Variants in WDR7 observed in about 807,000 individuals in gnomAD.
The protein encoded by WDR7 is WD repeat domain 7, also known as WD repeat-containing protein 7.
Under a neutral mutation model 169.4 loss-of-function variants are expected in WDR7, and 46 were observed. The ratio of observed to expected loss-of-function variants is 0.27; its 90% confidence interval spans 0.21 to 0.35. WDR7 has a LOEUF of 0.35. Among genes scored for constraint, WDR7 ranks in the 10% least tolerant of loss-of-function variants. WDR7 has a pLI of 1.00. For synonymous variants in WDR7, 612 were observed against 666.8 expected (o/e 0.92, Z 1.27); for missense variants, 1,534 against 1,859.3 (o/e 0.83, Z 3.22).
intron 20 of WDR7, among the ~76,000 whole-genome samples, chr18:56,862,029 G>A (rs1253519681): frequency 6.7e-6 from 1 of 148,584 alleles, no homozygotes; most frequent in Non-Finnish European, 1.5e-5. Context: ...ATATATGTAA[G>A]TATATTCTAT....
intron 14 of WDR7, among the ~76,000 whole-genome samples, chr18:56,747,506 C>T (rs1053609753): frequency 9.2e-5 from 14 of 152,170 alleles, no homozygotes; most frequent in African/African-American, 2.4e-5. Context: ...ATCAGTTACA[C>T]CCACACCCAG....
At chr18:56,967,189 G>C (rs2047421578) in intron 26 of WDR7, among the ~76,000 whole-genome samples, 8 of 151,714 alleles carry the variant, frequency 5.3e-5, no homozygotes, top group African/African-American at 1.9e-4. Flanking sequence ...GAGCGCTTGG[G>C]TGGAAAAGTT....
At chr18:56,864,102 T>C (rs138229227) in intron 20 of WDR7, among the ~76,000 whole-genome samples, 7 of 151,908 alleles carry the variant, frequency 4.6e-5, no homozygotes, top group African/African-American at 1.4e-4. Flanking sequence ...ATCTTAGCAA[T>C]TGAAATTTTA....
At chr18:56,698,988 T>G (rs2025766211) in intron 12 of WDR7, among the ~76,000 whole-genome samples, 1 of 152,176 alleles carries the variant, frequency 6.6e-6, no homozygotes, top group South Asian at 2.1e-4. Flanking sequence ...CAAATTTACC[T>G]GTATAACAAA....
At chr18:56,703,776 T>G (rs1190292873) in intron 12 of WDR7, among the ~76,000 whole-genome samples, 3 of 152,134 alleles carry the variant, frequency 2.0e-5, no homozygotes, top group African/African-American at 7.2e-5. Flanking sequence ...AATTCATTTT[T>G]ATTGGACATT....
intron 25 of WDR7, among the ~76,000 whole-genome samples, chr18:56,941,368 C>T (rs2047033260): frequency 1.3e-5 from 2 of 152,186 alleles, no homozygotes; most frequent in South Asian, 4.2e-4. Flanking sequence ...GATTTTCCCT[C>T]TGAGGGAGTT....
At chr18:56,844,708 T>C (rs1191782045) in intron 20 of WDR7, among the ~76,000 whole-genome samples, 1 of 152,164 alleles carries the variant, frequency 6.6e-6, no homozygotes, top group Non-Finnish European at 1.5e-5. Flanking sequence ...TCACTAGAAA[T>C]GAATGATTTA....
chr18:57,005,157 A>C (rs1184974783), intron 26 of WDR7, among the ~76,000 whole-genome samples: 1 of 152,232 alleles, frequency 6.6e-6, no homozygotes, highest in East Asian at 1.9e-4. Flanking sequence ...TGTTAAATAG[A>C]AATGTTTAGC....
the WDR7 span, chr18:57,036,024 A>G: frequency 1.7e-4 from 26 of 152,392 alleles, no homozygotes; most frequent in African/African-American, 5.8e-4. Flanking sequence ...TAAGCAATGG[A>G]AAGTAGCAGA....
At position 56,680,738 on chromosome 18, in the gene WDR7, A is replaced by G. The variant is rs1803173039; in HGVS notation, c.267-575A>G. The stretch of plus-strand genomic sequence containing the variant: ...ATAAAATTACAATACATACAGAATG[A>G]AAACTGGAATCTGGTATTTTATTTG... On this transcript the variant is annotated intron_variant, in intron 3 of 27. Transcript: ENST00000254442. Among the ~76,000 whole-genome samples, 4 of 152,266 alleles carry G rather than the reference A, an allele frequency of 2.6e-5. No individual in the cohort carries two copies. In the South Asian group the frequency reaches 6.2e-4, roughly 24 times the overall value.
At chr18:56,891,850 A>T (rs575677034) in intron 21 of WDR7, among the ~76,000 whole-genome samples, 3 of 152,026 alleles carry the variant, frequency 2.0e-5, no homozygotes, top group Admixed American at 6.6e-5. Context: ...AACACTAAAT[A>T]TTTTTGTAAT....
At chr18:56,757,883 C>T (rs2043920895) in intron 15 of WDR7, among the ~76,000 whole-genome samples, 1 of 151,626 alleles carries the variant, frequency 6.6e-6, no homozygotes. Context: ...GTGGGAGGGT[C>T]GCTTGAGCCT....
At chr18:56,662,447 T>C (rs2024924622) in intron 1 of WDR7, among the ~76,000 whole-genome samples, 2 of 152,190 alleles carry the variant, frequency 1.3e-5, no homozygotes, top group Admixed American at 1.3e-4. Flanking sequence ...CCATAGGTCA[T>C]TGATAGTTTC....
rs973401758 is a variant in WDR7 at position 56,686,302 on chromosome 18, G to A, written c.597+270G>A. Among the ~76,000 whole-genome samples the A allele has an allele frequency of 1.7e-4, 26 of 151,936 alleles. 1 individual carries two copies. The highest frequency in any genetic ancestry group is 4.4e-5 in the Non-Finnish European group (3 of 67,998). On this transcript the variant is annotated intron_variant, in intron 6 of 27. Transcript: ENST00000254442. ...TATGTAGAGGAGAAACGTAAAAGAG[G>A]TGAGGTTCTCCTCAACTGCTTCTGT...
At chr18:56,738,714 A>G (rs1248995340) in intron 14 of WDR7, among the ~76,000 whole-genome samples, 1 of 150,834 alleles carries the variant, frequency 6.6e-6, no homozygotes, top group Non-Finnish European at 1.5e-5. Context: ...CAATCAGGAA[A>G]TTTCGCCTCC....
chr18:56,674,452 CAG>C (rs2025201260), intron 2 of WDR7, among the ~76,000 whole-genome samples: 1 of 152,042 alleles, frequency 6.6e-6, no homozygotes, highest in African/African-American at 2.4e-5. Context: ...ACTGTCTATT[CAG>C]AGTCTTTGCC....
intron 26 of WDR7, among the ~76,000 whole-genome samples, chr18:56,974,302 T>C (rs1191699122): frequency 6.6e-6 from 1 of 152,060 alleles, no homozygotes. Flanking sequence ...TCTTGCCTTG[T>C]CTTGTCCTTT....
intron 4 of WDR7, among the ~76,000 whole-genome samples, chr18:56,682,021 A>C (rs1406995711): frequency 6.6e-6 from 1 of 152,204 alleles, no homozygotes; most frequent in Non-Finnish European, 1.5e-5. Flanking sequence ...ATTATATTAA[A>C]AATATGATCA....
intron 16 of WDR7, among the ~76,000 whole-genome samples, chr18:56,772,197 A>G (rs574446439): frequency 1.3e-5 from 2 of 152,130 alleles, no homozygotes; most frequent in African/African-American, 4.8e-5. Context: ...AAAAATTACT[A>G]TTACTATATA....
Sources: gnomAD v4.1 joint callset for allele counts (sites outside exome capture counted in the v4.1 genomes callset) on GRCh38, gnomAD v4.1.1 for gene constraint, MANE v1.5 for transcripts, NCBI Gene and HGNC (gene_info 2026-07-23, HGNC 2026-07-21) for gene names.